B3GALT1: variants seen among roughly 807,000 people sequenced by gnomAD.
B3GALT1 encodes UDP-Gal:betaGlcNAc beta 1,3-galactosyltransferase, polypeptide 1.
A neutral mutation model predicts 23.2 loss-of-function variants in B3GALT1; 10 were observed. The observed-to-expected ratio is 0.43, with a 90% CI of 0.27 to 0.73. The LOEUF (loss-of-function observed/expected upper bound fraction) is 0.73. Among genes scored for constraint, B3GALT1 ranks in the 30% least tolerant of loss-of-function variants. The pLI, the probability that B3GALT1 is intolerant of heterozygous loss-of-function variation, is 0.21. For synonymous variants in B3GALT1, 156 were observed against 141.5 expected, an observed-to-expected ratio of 1.10 and a Z score of -0.73; for missense variants, 299 against 405.4, an observed-to-expected ratio of 0.74 and a Z score of 2.25.
At chr2:167,549,510 T>G (rs1431426628) in intron 2 of B3GALT1, among the ~76,000 whole-genome samples, 1 of 152,228 alleles carries the variant, frequency 6.6e-6, no homozygotes, top group Non-Finnish European at 1.5e-5. Context: ...TTCCCTCATA[T>G]TAGCAAATAA....
intron 4 of B3GALT1, among the ~76,000 whole-genome samples, chr2:167,855,460 T>C (rs149871081): frequency 0.029 from 4,388 of 152,248 alleles, 97 homozygotes; most frequent in South Asian, 0.07. Context: ...ATTAGTGAGA[T>C]TGTATACATT....
intron 2 of B3GALT1, among the ~76,000 whole-genome samples, chr2:167,491,478 T>TTTGG (rs1369468130): frequency 7.5e-6 from 1 of 133,600 alleles, no homozygotes; most frequent in East Asian, 3.3e-4. Context: ...TTGGTTTTAC[T>TTTGG]TTTGCTTTTT....
chr2:167,633,428 T>A (rs1307613083), intron 2 of B3GALT1, among the ~76,000 whole-genome samples: 1 of 150,546 alleles, frequency 6.6e-6, no homozygotes, highest in East Asian at 2.0e-4. Context: ...CCATCTCACA[T>A]ACAAAGATAC....
intron 3 of B3GALT1, among the ~76,000 whole-genome samples, chr2:167,781,173 G>C (rs1375225568): frequency 6.6e-6 from 1 of 152,126 alleles, no homozygotes; most frequent in African/African-American, 2.4e-5. Context: ...TGTAATGAAT[G>C]AATGACTCTA....
intron 1 of B3GALT1, among the ~76,000 whole-genome samples, chr2:167,409,919 G>A (rs2263240): frequency 0.95 from 143,716 of 152,066 alleles, 68,188 homozygotes; most frequent in Non-Finnish European, 0.99. Context: ...CAGCAATCCC[G>A]TTACTGGGTA....
At chr2:167,739,102 C>A (rs989004361) in intron 3 of B3GALT1, among the ~76,000 whole-genome samples, 4 of 152,168 alleles carry the variant, frequency 2.6e-5, no homozygotes, top group Admixed American at 2.0e-4. Flanking sequence ...GATATTCTTT[C>A]AGCTGCCTTA....
At chr2:167,361,272 A>G (rs1697495804) in intron 1 of B3GALT1, among the ~76,000 whole-genome samples, 1 of 139,632 alleles carries the variant, frequency 7.2e-6, no homozygotes, top group Admixed American at 7.7e-5. Flanking sequence ...GAAGTCCTCC[A>G]TGTGATACTG....
intron 4 of B3GALT1, among the ~76,000 whole-genome samples, chr2:167,867,086 C>T (rs1690238064): frequency 6.6e-6 from 1 of 152,178 alleles, no homozygotes; most frequent in Admixed American, 6.5e-5. Flanking sequence ...GCCACTACGC[C>T]TGGCTAATTT....
chr2:167,435,433 C>CAAAA (rs1159357073), intron 1 of B3GALT1, among the ~76,000 whole-genome samples: 3 of 26,212 alleles, frequency 1.1e-4, no homozygotes, highest in Non-Finnish European at 1.7e-4. Context: ...CATATGCTTG[C>CAAAA]AAAAAAAAAA....
chr2:167,753,686 A>T (rs1445675717), intron 3 of B3GALT1, among the ~76,000 whole-genome samples: 1 of 152,144 alleles, frequency 6.6e-6, no homozygotes, highest in Non-Finnish European at 1.5e-5. Context: ...CATTGTTTTA[A>T]TTGCACAAAA....
At chr2:167,700,019 A>G (rs776062224) in intron 3 of B3GALT1, among the ~76,000 whole-genome samples, 3 of 152,090 alleles carry the variant, frequency 2.0e-5, no homozygotes, top group Non-Finnish European at 4.4e-5. Context: ...AGCCTAGACA[A>G]ATTTTTAGTT....
At chr2:167,404,179 A>T (rs377085972) in intron 1 of B3GALT1, among the ~76,000 whole-genome samples, 77 of 152,224 alleles carry the variant, frequency 5.1e-4, no homozygotes, top group South Asian at 1.9e-3. Context: ...TGGCAAGGAA[A>T]AGGGGAGGCA....
intron 3 of B3GALT1, among the ~76,000 whole-genome samples, chr2:167,732,391 A>G (rs933614918): frequency 4.6e-5 from 7 of 152,248 alleles, no homozygotes; most frequent in African/African-American, 1.4e-4. Context: ...TTGGATTCAC[A>G]GTGGTCACTC....
At chr2:167,651,173 C>T (rs2105464060) in intron 3 of B3GALT1, among the ~76,000 whole-genome samples, 2 of 151,750 alleles carry the variant, frequency 1.3e-5, no homozygotes, top group Middle Eastern at 6.8e-3. Context: ...ATGTTGCCTT[C>T]CCTAGAAATT....
intron 2 of B3GALT1, among the ~76,000 whole-genome samples, chr2:167,635,379 G>A (rs752159023): frequency 3.3e-5 from 5 of 152,000 alleles, no homozygotes; most frequent in Non-Finnish European, 5.9e-5. Flanking sequence ...GAAATAAAGC[G>A]TATTCAAATA....
At chr2:167,536,973 C>T (rs1683439725) in intron 2 of B3GALT1, among the ~76,000 whole-genome samples, 1 of 152,090 alleles carries the variant, frequency 6.6e-6, no homozygotes, top group South Asian at 2.1e-4. Context: ...TTTCTGAAAG[C>T]CTACTAAAAG....
intron 2 of B3GALT1, among the ~76,000 whole-genome samples, chr2:167,619,574 A>C (rs1454842448): frequency 6.6e-6 from 1 of 152,118 alleles, no homozygotes; most frequent in Non-Finnish European, 1.5e-5. Flanking sequence ...GAAAGAAAAT[A>C]AAGCATGAAG....
chr2:167,480,453 A>G (rs1170599426), intron 1 of B3GALT1, among the ~76,000 whole-genome samples: 1 of 152,216 alleles, frequency 6.6e-6, no homozygotes, highest in East Asian at 1.9e-4. Flanking sequence ...GAGGTTTCAC[A>G]GCTAGGGCTG....
At chr2:167,573,581 A>C (rs1438623344) in intron 2 of B3GALT1, among the ~76,000 whole-genome samples, 1 of 151,798 alleles carries the variant, frequency 6.6e-6, no homozygotes, top group African/African-American at 2.4e-5. Context: ...TTATGAGTTT[A>C]TAATAGTAAG....
Sources: gnomAD v4.1 joint callset for allele counts (sites outside exome capture counted in the v4.1 genomes callset) on GRCh38, gnomAD v4.1.1 for gene constraint, MANE v1.5 for transcripts, NCBI Gene and HGNC (gene_info 2026-07-23, HGNC 2026-07-21) for gene names.